ARID1B: variants seen among roughly 807,000 people sequenced by gnomAD.
ARID1B encodes AT-rich interaction domain 1B.
ARID1B carries 30 observed loss-of-function variants against 212.3 expected under a neutral mutation model. That is an observed-to-expected ratio of 0.14 (90% CI 0.11 to 0.19). The LOEUF is 0.19. ARID1B is among the 10% of genes least tolerant of loss of function. The pLI is 1.00. For missense variants in ARID1B, 2,891 were observed against 3,204.0 expected (o/e 0.90, Z 2.36); for synonymous variants, 1,402 against 1,301.7 (o/e 1.08, Z -1.66).
At chr6:156,866,653 A>C (rs1368863992) in intron 2 of ARID1B, among the ~76,000 whole-genome samples, 1 of 152,222 alleles carries the variant, frequency 6.6e-6, no homozygotes, top group Non-Finnish European at 1.5e-5. Context: ...TGTGAGTCAT[A>C]AAATGAAAAC....
At chr6:156,912,534 G>A (rs191981154) in intron 3 of ARID1B, among the ~76,000 whole-genome samples, 4 of 152,240 alleles carry the variant, frequency 2.6e-5, no homozygotes, top group Middle Eastern at 3.4e-3. Context: ...TCCTTGCCTT[G>A]TAGCTTTGCA....
At chr6:156,828,825 T>C (rs1468101139) in intron 1 of ARID1B, among the ~76,000 whole-genome samples, 2 of 152,236 alleles carry the variant, frequency 1.3e-5, no homozygotes, top group African/African-American at 4.8e-5. Flanking sequence ...TAAGAATACT[T>C]TGAAGGCAGA....
chr6:157,005,667 C>G (rs191003771), intron 4 of ARID1B, among the ~76,000 whole-genome samples: 1 of 152,106 alleles, frequency 6.6e-6, no homozygotes, highest in African/African-American at 2.4e-5. Flanking sequence ...AGTTCCTCCC[C>G]GATCTCCGTT....
chr6:157,188,280 AT>A (rs1436709848), intron 13 of ARID1B, among the ~76,000 whole-genome samples: 3 of 152,144 alleles, frequency 2.0e-5, no homozygotes, highest in Non-Finnish European at 4.4e-5. Flanking sequence ...TCTCTAAGTC[AT>A]TCAGTGCAGG....
At chr6:157,062,020 A>G (rs1195317518) in intron 4 of ARID1B, among the ~76,000 whole-genome samples, 1 of 152,234 alleles carries the variant, frequency 6.6e-6, no homozygotes. Context: ...CAAAAATGAA[A>G]GGAGCTAAAG....
rs150249745 is a variant in ARID1B, at chr6:157,133,177, G to T, written c.2731G>T (p.Gly911Cys). ...GCAGAGTAACTCAAGTGGGACTTAC[G>T]GTCCACAGATGAGCCAGTATGGACC... ...FQQSNSSGTY[G>C]PQMSQYGPQG... Residue 911 changes from glycine (G) to cysteine (C), a missense_variant, in exon 7 of 20, where the codon GGT (glycine) becomes TGT (cysteine). By Grantham distance (159) the Gly-to-Cys change is radical. Around this residue, in one of 7 missense-constraint regions of ARID1B, gnomAD observed 1,643 missense variants for 1,544.0 expected, o/e 1.06. Transcript: ENST00000636930. 6.2e-7 allele frequency: 1 copy of T among 1,613,236 alleles called. No individual in the cohort carries two copies. Among genetic ancestry groups the T allele is most frequent in the African/African-American group, 1.3e-5 (1 of 74,980 alleles).
intron 1 of ARID1B, among the ~76,000 whole-genome samples, chr6:156,822,594 G>A (rs1161200591): frequency 2.0e-5 from 3 of 152,266 alleles, no homozygotes; most frequent in Non-Finnish European, 4.4e-5. Flanking sequence ...TGAAACAAGG[G>A]AAGAGTCTTT....
intron 4 of ARID1B, among the ~76,000 whole-genome samples, chr6:156,959,558 G>A (rs536707505): frequency 8.1e-4 from 102 of 125,216 alleles, no homozygotes; most frequent in Admixed American, 1.3e-3. Flanking sequence ...CAGTGTGTAG[G>A]GTTTTGTACT....
chr6:156,934,064 G>A (rs1791962275), intron 3 of ARID1B, among the ~76,000 whole-genome samples: 1 of 152,078 alleles, frequency 6.6e-6, no homozygotes. Flanking sequence ...AATATTCCAG[G>A]GACTTAACAG....
At chr6:156,949,329 C>A (rs1186480926) in intron 4 of ARID1B, among the ~76,000 whole-genome samples, 3 of 152,122 alleles carry the variant, frequency 2.0e-5, no homozygotes, top group African/African-American at 7.2e-5. Context: ...ACATTTCACA[C>A]CTAATTGAGC....
intron 4 of ARID1B, among the ~76,000 whole-genome samples, chr6:156,998,518 T>C (rs1208886696): frequency 1.3e-5 from 2 of 152,150 alleles, no homozygotes; most frequent in Admixed American, 1.3e-4. Context: ...CCACCGCGCC[T>C]GGCTCTTGTT....
chr6:156,997,648 C>A (rs1289283431), intron 4 of ARID1B, among the ~76,000 whole-genome samples: 2 of 148,216 alleles, frequency 1.3e-5, no homozygotes, highest in Non-Finnish European at 3.0e-5. Context: ...TAAACACTTG[C>A]ATTTTAACTT....
rs573672608 is a variant in ARID1B at position 157,050,827 on chromosome 6, G to A, written c.2248-33835G>A. ...GTAATAGTATGTGCAAACATCGCAGGCACAATATTAATAGATGCACATATA... is the reference window on the plus strand; with the variant it reads ...GTAATAGTATGTGCAAACATCGCAGACACAATATTAATAGATGCACATATA... On this transcript the variant is annotated intron_variant, in intron 4 of 19. Transcript: ENST00000636930. Among the ~76,000 whole-genome samples the A allele has an allele frequency of 2.5e-3, 374 of 152,234 alleles. 1 individual carries two copies. The highest frequency in any genetic ancestry group is 8.4e-3 in the African/African-American group (349 of 41,518).
At chr6:157,187,538 C>T (rs538287207) in intron 13 of ARID1B, among the ~76,000 whole-genome samples, 1 of 152,326 alleles carries the variant, frequency 6.6e-6, no homozygotes, top group South Asian at 2.1e-4. Flanking sequence ...AACTAGGGCA[C>T]CAGGTTCGTG....
At chr6:157,054,963 C>T (rs1283385137) in intron 4 of ARID1B, among the ~76,000 whole-genome samples, 1 of 152,168 alleles carries the variant, frequency 6.6e-6, no homozygotes, top group African/African-American at 2.4e-5. Flanking sequence ...GTTCCATTTT[C>T]CATTCAGTTT....
At chr6:156,827,360 C>T (rs889055900) in intron 1 of ARID1B, among the ~76,000 whole-genome samples, 4 of 152,238 alleles carry the variant, frequency 2.6e-5, no homozygotes, top group Admixed American at 6.5e-5. Context: ...CAAATCCTGC[C>T]GCATTTCCCT....
intron 6 of ARID1B, among the ~76,000 whole-genome samples, chr6:157,124,401 A>G (rs1787993709): frequency 6.6e-6 from 1 of 152,254 alleles, no homozygotes; most frequent in African/African-American, 2.4e-5. Flanking sequence ...TGCTAACTGC[A>G]CGGCCACAGC....
intron 4 of ARID1B, among the ~76,000 whole-genome samples, chr6:156,993,098 A>G (rs1446519030): frequency 6.6e-6 from 1 of 150,420 alleles, no homozygotes; most frequent in Non-Finnish European, 1.5e-5. Flanking sequence ...GCTGGAGTAC[A>G]GTGGCATGAT....
At chr6:156,811,618 A>G (rs1483790246) in intron 1 of ARID1B, among the ~76,000 whole-genome samples, 4 of 152,070 alleles carry the variant, frequency 2.6e-5, no homozygotes, top group African/African-American at 9.7e-5. Context: ...AGGGGGAGAG[A>G]GAGGATGCAA....
Sources: gnomAD v4.1 joint callset for allele counts (sites outside exome capture counted in the v4.1 genomes callset) on GRCh38, gnomAD v4.1.1 for gene constraint, gnomAD v4.1.1 regional missense constraint, MANE v1.5 for transcripts, NCBI Gene and HGNC (gene_info 2026-07-23, HGNC 2026-07-21) for gene names.